Variants in LRP8 observed in about 807,000 individuals in gnomAD.
LRP8 encodes the protein low-density lipoprotein receptor-related protein 8.
Under a neutral mutation model 111.6 loss-of-function variants are expected in LRP8, and 46 were observed. The ratio of observed to expected loss-of-function variants is 0.41; its 90% CI spans 0.33 to 0.53. The LOEUF (loss-of-function observed/expected upper bound fraction) is 0.53. Among genes scored for constraint, LRP8 ranks in the 20% least tolerant of loss-of-function variants. The pLI is 0.20. For synonymous variants in LRP8, 464 were observed against 511.2 expected (o/e 0.91, Z 1.24); for missense variants, 959 against 1,297.4 (o/e 0.74, Z 4.01).
intron 6 of LRP8, among the ~76,000 whole-genome samples, chr1:53,272,905 T>C (rs534083163): frequency 6.6e-6 from 1 of 152,304 alleles, no homozygotes; most frequent in Non-Finnish European, 1.5e-5. Flanking sequence ...CTTTTGCAGC[T>C]AGCAACAACT....
chr1:53,265,125 T>G (rs1328373289), intron 9 of LRP8, among the ~76,000 whole-genome samples: 1 of 152,140 alleles, frequency 6.6e-6, no homozygotes, highest in African/African-American at 2.4e-5. Context: ...AGAATGACCG[T>G]GCCAGTGAGA....
At chr1:53,261,799 G>T (rs1646349543) in intron 12 of LRP8, among the ~76,000 whole-genome samples, 1 of 152,240 alleles carries the variant, frequency 6.6e-6, no homozygotes, top group Non-Finnish European at 1.5e-5. Context: ...TGAGGGCACA[G>T]AGAGGAAACA....
At chr1:53,306,304 C>T (rs1197652743) in intron 2 of LRP8, 1 of 152,282 alleles carries the variant, frequency 6.6e-6, no homozygotes, top group African/African-American at 2.4e-5. Context: ...ATCATTGAAG[C>T]CTTGCTTCAG....
chr1:53,310,091 C>A (rs1351376627), intron 2 of LRP8, among the ~76,000 whole-genome samples: 2 of 152,120 alleles, frequency 1.3e-5, no homozygotes, highest in African/African-American at 2.4e-5. Flanking sequence ...TTCAGGGGGA[C>A]AGGAAGGGCT....
chr1:53,318,269 C>T (rs1654066102), intron 2 of LRP8, among the ~76,000 whole-genome samples: 1 of 150,784 alleles, frequency 6.6e-6, no homozygotes, highest in African/African-American at 2.4e-5. Flanking sequence ...GGGGTGAAAG[C>T]CCTTGGGGCC....
intron 12 of LRP8, 111 bp from the exon 13 acceptor site, chr1:53,260,716 G>T (rs1646301231): frequency 5.6e-6 from 6 of 1,075,858 alleles, no homozygotes; most frequent in South Asian, 1.5e-5. Flanking sequence ...AATCTCCCCT[G>T]ATCTGTCCTG....
chr1:53,254,280 A>G (rs1645996917), intron 16 of LRP8, among the ~76,000 whole-genome samples: 1 of 151,920 alleles, frequency 6.6e-6, no homozygotes, highest in African/African-American at 2.4e-5. Context: ...CTCTGGCCAT[A>G]CTGATCTCCT....
In LRP8 at chr1:53,289,613, G is replaced by A. The variant is rs751541086; in HGVS notation, c.321C>T (p.Gly107=). Residue 107 remains glycine, a synonymous_variant, in exon 3 of 19, where the codon GGC becomes GGT. Coordinates refer to ENST00000306052, the MANE Select transcript of LRP8 (RefSeq NM_004631.5). ...CGGAGCCATCAGGACACTCCTCCTC[G>A]CCGTCACACTTCCACCGTTCGTGGA... is the stretch of plus-strand genomic sequence containing the variant. ...HCIHERWKCD[G]EEECPDGSDE... 1.7e-5 allele frequency: 27 copies of A among 1,611,588 alleles called. No individual in the cohort carries two copies. Among genetic ancestry groups the A allele is most frequent in the African/African-American group, 6.7e-5 (5 of 74,828 alleles).
rs1645746701 is a variant in LRP8, at chr1:53,247,022, G to A, written c.2888C>T (p.Pro963Leu). The change falls in exon 19 of 19, where the codon CCC (proline) becomes CTC (leucine). Residue 963 changes from proline to leucine, a missense_variant. By Grantham distance (98) the Pro-to-Leu change is moderately conservative. This residue lies in a region of LRP8 where 819 missense variants were observed against 1,097.6 expected (regional missense o/e 0.75). Transcript: ENST00000306052. ...VALSLEDDGL[P>L] Reference sequence around the variant, plus strand: ...ACGAAGGGGGTGATCCCATCCTCAGGGTAGTCCATCATCTTCAAGGCTTAA... The same window carrying A: ...ACGAAGGGGGTGATCCCATCCTCAGAGTAGTCCATCATCTTCAAGGCTTAA... The A allele has an allele frequency of 1.2e-6, 2 of 1,605,100 alleles. No individual in the cohort carries two copies. Among genetic ancestry groups the A allele is most frequent in the Non-Finnish European group, 1.7e-6 (2 of 1,176,506 alleles).
At chr1:53,278,269 A>T (rs530189834) in intron 4 of LRP8, among the ~76,000 whole-genome samples, 1 of 152,174 alleles carries the variant, frequency 6.6e-6, no homozygotes, top group African/African-American at 2.4e-5. Flanking sequence ...TTTTCAGGGC[A>T]GTGACCTCCT....
At chr1:53,327,640 T>G in intron 1 of LRP8, 149 bp downstream of exon 1, 21 of 1,240,212 alleles carry the variant, frequency 1.7e-5, no homozygotes, top group South Asian at 2.1e-5. Flanking sequence ...CGAGGGCAAA[T>G]TCAGGAATAG....
intron 2 of LRP8, among the ~76,000 whole-genome samples, chr1:53,292,386 C>G (rs1350890461): frequency 6.6e-6 from 1 of 152,196 alleles, no homozygotes. Flanking sequence ...TACAGCATGG[C>G]AGGGATAAGA....
At chr1:53,316,260 C>T (rs749908626) in intron 2 of LRP8, among the ~76,000 whole-genome samples, 5 of 152,086 alleles carry the variant, frequency 3.3e-5, no homozygotes, top group South Asian at 2.1e-4. Context: ...GGAGAGGCCA[C>T]GCTGGCCTGA....
chr1:53,286,462 A>G (rs12035926), intron 3 of LRP8, among the ~76,000 whole-genome samples: 46,523 of 152,154 alleles, frequency 0.31, 8,664 homozygotes, highest in East Asian at 0.56. Context: ...ATCCAGAACT[A>G]TAACTCACCT....
chr1:53,304,008 C>T (rs1005483809), intron 2 of LRP8, among the ~76,000 whole-genome samples: 7 of 152,036 alleles, frequency 4.6e-5, no homozygotes, highest in Non-Finnish European at 1.0e-4. Flanking sequence ...CCAAGAGCTG[C>T]CATGAAATGA....
intron 10 of LRP8, among the ~76,000 whole-genome samples, chr1:53,263,883 G>A (rs1158531804): frequency 6.6e-6 from 1 of 152,178 alleles, no homozygotes; most frequent in Non-Finnish European, 1.5e-5. Flanking sequence ...GCAGCCTGAA[G>A]AAAGGCTTCC....
At position 53,264,265 on chromosome 1, in the gene LRP8, G is replaced by C. The variant is rs1422046857; in HGVS notation, c.1559C>G (p.Thr520Ser). Reference sequence around the variant, plus strand: ...ACCATCAACTGTGGCCACTGAGATGGTCTTATTGCCCGAGTCAGTCCAGTA... The same window carrying C: ...ACCATCAACTGTGGCCACTGAGATGCTCTTATTGCCCGAGTCAGTCCAGTA... ...HIYWTDSGNK[T>S]ISVATVDGGR... Residue 520 changes from threonine to serine, a missense_variant, in exon 10 of 19, where the codon ACC (threonine) becomes AGC (serine). Thr to Ser is a moderately conservative substitution (Grantham distance 58). Transcript: ENST00000306052. 6.2e-7 allele frequency: 1 copy of C among 1,614,058 alleles called. No homozygotes were observed. The highest frequency in any genetic ancestry group is 2.2e-5 in the East Asian group (1 of 44,888).
rs2100405900 is a variant in LRP8, at chr1:53,271,113, G to T, written c.1167C>A (p.Ile389=). ...ECKDPDACSQ[I]CVNYKGYFKC... is the part of the protein sequence containing the mutation. ...TAAAATAGCCCTTGTAATTGACACA[G>T]ATCTGGCTGCAGGCATCTGGGTCCT... The change falls in exon 8 of 19, where the codon ATC becomes ATA. Residue 389 remains isoleucine (I), a synonymous_variant. Coordinates refer to ENST00000306052, the MANE Select transcript of LRP8 (RefSeq NM_004631.5). The T allele has an allele frequency of 1.9e-6, 3 of 1,614,006 alleles. No homozygotes were observed. Among genetic ancestry groups the T allele is most frequent in the Non-Finnish European group, 2.5e-6 (3 of 1,180,010 alleles).
intron 6 of LRP8, chr1:53,274,867 C>T (rs1490824420): frequency 6.6e-6 from 3 of 455,668 alleles, no homozygotes; most frequent in Admixed American, 4.7e-5. Flanking sequence ...AGACCTTGGA[C>T]AAGAAGGGCT....
Sources: gnomAD v4.1 joint callset for allele counts (sites outside exome capture counted in the v4.1 genomes callset) on GRCh38, gnomAD v4.1.1 for gene constraint, gnomAD v4.1.1 regional missense constraint, MANE v1.5 for transcripts, NCBI Gene and HGNC (gene_info 2026-07-23, HGNC 2026-07-21) for gene names.